SYNDIG1: variants seen among roughly 807,000 people sequenced by gnomAD.
The protein encoded by SYNDIG1 is synapse differentiation-inducing gene protein 1.
Under a neutral mutation model 19.4 loss-of-function variants are expected in SYNDIG1, and 9 were observed. The observed-to-expected ratio is 0.46, with a 90% CI of 0.28 to 0.81. The LOEUF (loss-of-function observed/expected upper bound fraction) is 0.81. SYNDIG1 is among the 30% of genes least tolerant of loss of function. The pLI, the probability that SYNDIG1 is intolerant of heterozygous loss-of-function variation, is 0.12. For missense variants in SYNDIG1, 311 were observed against 343.3 expected, an observed-to-expected ratio of 0.91 and a Z score of 0.74; for synonymous variants, 141 against 145.9, an observed-to-expected ratio of 0.97 and a Z score of 0.24.
chr20:24,513,961 G>T (rs2056806785), intron 1 of SYNDIG1, among the ~76,000 whole-genome samples: 2 of 152,128 alleles, frequency 1.3e-5, no homozygotes, highest in African/African-American at 4.8e-5. Flanking sequence ...CAGAGTGGGG[G>T]CCAATATTCA....
chr20:24,655,894 TG>T (rs2059520280), intron 3 of SYNDIG1, among the ~76,000 whole-genome samples: 1 of 152,182 alleles, frequency 6.6e-6, no homozygotes, highest in Non-Finnish European at 1.5e-5. Flanking sequence ...ATTGCATTCC[TG>T]CAACAAGAGC....
intron 1 of SYNDIG1, among the ~76,000 whole-genome samples, chr20:24,514,109 G>C (rs1160440522): frequency 6.6e-6 from 1 of 152,134 alleles, no homozygotes. Flanking sequence ...TGCCTTACAA[G>C]AGTTCCTGAA....
chr20:24,522,839 C>T (rs1477328083), intron 1 of SYNDIG1, among the ~76,000 whole-genome samples: 1 of 152,136 alleles, frequency 6.6e-6, no homozygotes. Flanking sequence ...CAACATGTCA[C>T]CTGGTGAGAG....
chr20:24,615,443 C>A (rs1469077671), intron 3 of SYNDIG1, among the ~76,000 whole-genome samples: 1 of 152,206 alleles, frequency 6.6e-6, no homozygotes, highest in East Asian at 1.9e-4. Flanking sequence ...AGCTCCTGAC[C>A]CAGCAAGAGA....
chr20:24,513,805 C>G (rs1322066915), intron 1 of SYNDIG1, among the ~76,000 whole-genome samples: 3 of 152,124 alleles, frequency 2.0e-5, no homozygotes, highest in Non-Finnish European at 4.4e-5. Flanking sequence ...AAAAGAGCAA[C>G]TCCAAGACAT....
At position 24,550,838 on chromosome 20, in the gene SYNDIG1, C is replaced by T. The variant is rs533688684; in HGVS notation, c.480+7261C>T. ...ATTAACTGCTTTGCAGATAACAGAC[C>T]ATCCTTGCATTTGGGGGTAAATCCC... On this transcript the variant is annotated intron_variant, in intron 2 of 3. Coordinates refer to ENST00000376862, the MANE Select transcript of SYNDIG1 (RefSeq NM_024893.3). 7.2e-5 allele frequency among the ~76,000 whole-genome samples: 11 copies of T among 152,206 alleles called. No homozygotes were observed. The South Asian group carries it at 2.1e-3, about 29-fold the overall frequency.
At chr20:24,576,712 G>C (rs1319399929) in intron 2 of SYNDIG1, among the ~76,000 whole-genome samples, 2 of 152,072 alleles carry the variant, frequency 1.3e-5, no homozygotes, top group Admixed American at 6.6e-5. Flanking sequence ...CTGCCCCCAG[G>C]CTGGGCACTT....
chr20:24,526,445 C>T (rs1465853784), intron 1 of SYNDIG1, among the ~76,000 whole-genome samples: 2 of 152,138 alleles, frequency 1.3e-5, no homozygotes, highest in African/African-American at 4.8e-5. Flanking sequence ...AAGTATAAAG[C>T]TGAACATGTT....
chr20:24,470,738 A>G (rs2055411624), intron 1 of SYNDIG1, among the ~76,000 whole-genome samples: 1 of 152,084 alleles, frequency 6.6e-6, no homozygotes, highest in African/African-American at 2.4e-5. Flanking sequence ...TTTCTGAAAG[A>G]CGAGAGGAAG....
intron 3 of SYNDIG1, among the ~76,000 whole-genome samples, chr20:24,606,923 C>A (rs2058764786): frequency 6.6e-6 from 1 of 152,172 alleles, no homozygotes; most frequent in African/African-American, 2.4e-5. Flanking sequence ...TTTGAAGCTG[C>A]CCTGGGCAGT....
intron 3 of SYNDIG1, 45 bp downstream of exon 3, chr20:24,585,038 AGGGTGG>A: frequency 1.6e-4 from 63 of 389,658 alleles, no homozygotes; most frequent in Non-Finnish European, 2.1e-4. Context: ...AGGTGTTCAC[AGGGTGG>A]GGGTGGGGGC....
chr20:24,495,216 G>A (rs534297105), intron 1 of SYNDIG1, among the ~76,000 whole-genome samples: 1 of 152,210 alleles, frequency 6.6e-6, no homozygotes, highest in Non-Finnish European at 1.5e-5. Context: ...AGAAGGGAGG[G>A]TGGATTTCTT....
chr20:24,662,292 G>A (rs146355059), intron 3 of SYNDIG1, among the ~76,000 whole-genome samples: 2 of 151,992 alleles, frequency 1.3e-5, no homozygotes, highest in East Asian at 3.9e-4. Context: ...TTGCTATGGC[G>A]CAAGTTTACT....
chr20:24,543,292 C>T lies in SYNDIG1; in HGVS notation c.195C>T (p.Ser65=). The T allele has an allele frequency of 6.2e-7, 1 of 1,613,598 alleles. No homozygotes were observed. Among genetic ancestry groups the T allele is most frequent in the Non-Finnish European group, 8.5e-7 (1 of 1,180,028 alleles). ...ASTVPASLDS[S]RSEPMQQLLD... is the part of the protein sequence containing the mutation. ...CAGTGCCGGCCAGCCTGGACAGCAGCAGGAGTGAGCCGATGCAGCAGCTGC... is the reference window on the plus strand; with the variant it reads ...CAGTGCCGGCCAGCCTGGACAGCAGTAGGAGTGAGCCGATGCAGCAGCTGC... Residue 65 remains serine, a synonymous_variant, in exon 2 of 4, where the codon AGC becomes AGT. Transcript: ENST00000376862.
Position 24,665,329 on chromosome 20 carries a change from C to T in SYNDIG1, c.619-17C>T. ...ACTTGCTTACAATGACTTCCTTTTT[C>T]TTCTCCAACTCTGCAGACCAACAAA... On this transcript the variant is annotated splice_polypyrimidine_tract_variant and intron_variant, in intron 3 of 3. Coordinates refer to ENST00000376862, the MANE Select transcript of SYNDIG1 (RefSeq NM_024893.3). 1 of 1,583,150 alleles carries T rather than the reference C, an allele frequency of 6.3e-7. No individual in the cohort carries two copies. The highest frequency in any genetic ancestry group is 1.4e-5 in the African/African-American group (1 of 73,100).
At chr20:24,640,485 GGAAGGAAGGA>G in intron 3 of SYNDIG1, among the ~76,000 whole-genome samples, 1 of 78,796 alleles carries the variant, frequency 1.3e-5, no homozygotes, top group Admixed American at 1.7e-4. Flanking sequence ...AAGGAAGGAA[GGAAGGAAGGA>G]AGGAAGGAAG....
chr20:24,607,802 T>G (rs2058781232), intron 3 of SYNDIG1, among the ~76,000 whole-genome samples: 1 of 152,226 alleles, frequency 6.6e-6, no homozygotes, highest in Non-Finnish European at 1.5e-5. Context: ...GACGAAAACC[T>G]AATGATCTTT....
intron 1 of SYNDIG1, among the ~76,000 whole-genome samples, chr20:24,475,531 G>C (rs1264222054): frequency 6.6e-6 from 1 of 152,176 alleles, no homozygotes; most frequent in Non-Finnish European, 1.5e-5. Context: ...AATGTGATAG[G>C]TAGTGTGCGT....
chr20:24,486,551 A>G (rs1022365690), intron 1 of SYNDIG1, among the ~76,000 whole-genome samples: 1 of 152,210 alleles, frequency 6.6e-6, no homozygotes, highest in African/African-American at 2.4e-5. Context: ...GCACTCACAT[A>G]ACACCTGGGG....
Sources: allele counts gnomAD v4.1 joint callset (sites outside exome capture counted in the v4.1 genomes callset), GRCh38; gene constraint gnomAD v4.1.1; transcripts MANE v1.5; gene names NCBI Gene and HGNC (gene_info 2026-07-23, HGNC 2026-07-21).